Variants in ASAP1 observed in about 807,000 individuals in gnomAD.
ASAP1 encodes arf-GAP with SH3 domain, ANK repeat and PH domain-containing protein 1.
Under a neutral mutation model 145.2 loss-of-function variants are expected in ASAP1, and 43 were observed. The ratio of observed to expected loss-of-function variants is 0.30; its 90% CI spans 0.23 to 0.38. The LOEUF is 0.38. Ranked by LOEUF, ASAP1 falls within the 10% of genes least tolerant of loss-of-function variation. The probability of loss-of-function intolerance (pLI) is 1.00; values close to 1 mark genes in which losing one functional copy is unlikely to be tolerated. For missense variants in ASAP1, 1,018 were observed against 1,355.3 expected (o/e 0.75, Z 3.91); for synonymous variants, 546 against 515.5 (o/e 1.06, Z -0.80).
At chr8:130,402,758 C>G (rs932259397) in intron 1 of ASAP1, among the ~76,000 whole-genome samples, 2 of 152,088 alleles carry the variant, frequency 1.3e-5, no homozygotes, top group Admixed American at 6.5e-5. Context: ...CTAAAGATCT[C>G]TCCACTTATC....
At chr8:130,070,874 A>G (rs1159985024) in intron 27 of ASAP1, among the ~76,000 whole-genome samples, 14 of 20,192 alleles carry the variant, frequency 6.9e-4, no homozygotes, top group South Asian at 3.6e-3. Context: ...AGGGAGAGAG[A>G]GGGAGAGAGG....
At chr8:130,129,581 C>G (rs114185991) in intron 15 of ASAP1, among the ~76,000 whole-genome samples, 57 of 152,270 alleles carry the variant, frequency 3.7e-4, no homozygotes, top group African/African-American at 1.4e-3. Flanking sequence ...ACAGACAATA[C>G]AGAGGTTCAG....
At chr8:130,087,801 C>A (rs968849999) in intron 25 of ASAP1, among the ~76,000 whole-genome samples, 3 of 152,296 alleles carry the variant, frequency 2.0e-5, no homozygotes, top group South Asian at 4.1e-4. Context: ...CTGCTGACAA[C>A]AACTATTACC....
intron 3 of ASAP1, among the ~76,000 whole-genome samples, chr8:130,309,436 G>T (rs1432491699): frequency 6.6e-6 from 1 of 152,184 alleles, no homozygotes; most frequent in Non-Finnish European, 1.5e-5. Context: ...ACAATGGGCA[G>T]AATCAATGAG....
intron 18 of ASAP1, among the ~76,000 whole-genome samples, chr8:130,120,788 T>C (rs1043567023): frequency 6.6e-6 from 1 of 152,234 alleles, no homozygotes; most frequent in Non-Finnish European, 1.5e-5. Context: ...TCTGGCCTCT[T>C]ACTAGGCACA....
chr8:130,258,580 G>T (rs1819708296), intron 3 of ASAP1, among the ~76,000 whole-genome samples: 1 of 152,202 alleles, frequency 6.6e-6, no homozygotes, highest in Non-Finnish European at 1.5e-5. Flanking sequence ...CTCTACCTCG[G>T]AAGGGCTCTG....
In ASAP1 at chr8:130,268,027, A is replaced by G. The variant is rs560315203; in HGVS notation, c.187-31033T>C. On this transcript the variant is annotated intron_variant, in intron 3 of 29. Transcript: ENST00000518721. ...CATCTCACTTCCATACACCCCAAGG[A>G]AATTGGTCACTAGGAGAAAAGTGGC... is the stretch of plus-strand genomic sequence containing the variant. Among the ~76,000 whole-genome samples, 30 of 152,336 alleles carry G rather than the reference A, an allele frequency of 2.0e-4. 1 individual carries two copies. The South Asian group carries it at 3.3e-3, about 17-fold the overall frequency.
At chr8:130,405,887 A>G (rs1308257566) in intron 1 of ASAP1, among the ~76,000 whole-genome samples, 2 of 152,244 alleles carry the variant, frequency 1.3e-5, no homozygotes, top group East Asian at 1.9e-4. Flanking sequence ...AAAAAATATT[A>G]AGGCATAAAA....
intron 2 of ASAP1, among the ~76,000 whole-genome samples, chr8:130,395,452 G>T (rs990273173): frequency 1.3e-5 from 2 of 152,208 alleles, no homozygotes; most frequent in East Asian, 3.9e-4. Context: ...TGCTGTCCTT[G>T]TAAGAGAGAA....
At chr8:130,233,992 T>C (rs1188118271) in intron 4 of ASAP1, among the ~76,000 whole-genome samples, 5 of 152,198 alleles carry the variant, frequency 3.3e-5, no homozygotes, top group African/African-American at 1.2e-4. Flanking sequence ...TTAATCTCAA[T>C]AGCTAGGCTC....
chr8:130,399,887 T>C (rs1029413968), intron 2 of ASAP1, among the ~76,000 whole-genome samples: 7 of 146,808 alleles, frequency 4.8e-5, no homozygotes, highest in African/African-American at 1.8e-4. Context: ...TGGCGCAATC[T>C]CGGCTCACCA....
intron 27 of ASAP1, among the ~76,000 whole-genome samples, chr8:130,070,832 A>G (rs1223717746): frequency 1.3e-3 from 21 of 16,146 alleles, no homozygotes; most frequent in African/African-American, 2.2e-3. Context: ...GGAGAGAGGG[A>G]GAGAGAGGGA....
At chr8:130,400,550 G>A (rs1396872661) in intron 2 of ASAP1, among the ~76,000 whole-genome samples, 1 of 151,726 alleles carries the variant, frequency 6.6e-6, no homozygotes, top group Non-Finnish European at 1.5e-5. Flanking sequence ...CACTTTGGGA[G>A]GCCGAGGCGG....
rs528773918 is a variant in ASAP1, at chr8:130,204,000, C to T, written c.405+10556G>A. On this transcript the variant is annotated intron_variant, in intron 5 of 29. Transcript: ENST00000518721. ...CAAAACAGGATGTCCATATCTTTTG[C>T]GAGGAGGTACAGCATACTCTAGAGC... Among the ~76,000 whole-genome samples, 29 of 152,218 alleles carry T rather than the reference C, an allele frequency of 1.9e-4. 1 individual carries two copies. Among genetic ancestry groups the T allele is most frequent in the Admixed American group, 1.6e-3 (25 of 15,288 alleles).
intron 4 of ASAP1, 143 bp from the exon 5 acceptor site, chr8:130,214,844 G>A (rs572326369): frequency 3.1e-6 from 2 of 652,156 alleles, no homozygotes; most frequent in South Asian, 2.3e-5. Flanking sequence ...CAAAGGTTAG[G>A]TTAGGAGTAC....
At chr8:130,138,793 G>A (rs993070146) in intron 13 of ASAP1, among the ~76,000 whole-genome samples, 4 of 143,160 alleles carry the variant, frequency 2.8e-5, no homozygotes, top group African/African-American at 5.2e-5. Flanking sequence ...CCGAGATCTC[G>A]CCACTGCACT....
chr8:130,169,155 A>G, intron 9 of ASAP1, 88 bp from the exon 10 acceptor site: 1 of 753,134 alleles, frequency 1.3e-6, no homozygotes, highest in Admixed American at 2.8e-5. Flanking sequence ...AAGGAACTAT[A>G]ATAACCTACA....
At position 130,062,745 on chromosome 8, in the gene ASAP1, G is replaced by A. The variant is rs74630706; in HGVS notation, c.2702-1676C>T. The stretch of plus-strand genomic sequence containing the variant: ...CATACACTGAGATGTCTGTGCTAGA[G>A]TGTTTGGCACAGTACTGCTTATAAC... On this transcript the variant is annotated intron_variant, in intron 27 of 29. Transcript: ENST00000518721. Among the ~76,000 whole-genome samples the A allele has an allele frequency of 2.2e-3, 330 of 152,338 alleles. 1 individual carries two copies. The highest frequency in any genetic ancestry group is 7.6e-3 in the African/African-American group (318 of 41,574).
At chr8:130,126,990 G>A (rs985291384) in intron 16 of ASAP1, among the ~76,000 whole-genome samples, 1 of 152,184 alleles carries the variant, frequency 6.6e-6, no homozygotes, top group Non-Finnish European at 1.5e-5. Flanking sequence ...CTTGCTCACA[G>A]GGGTTCTGCA....
Sources: allele counts gnomAD v4.1 joint callset (sites outside exome capture counted in the v4.1 genomes callset), GRCh38; gene constraint gnomAD v4.1.1; transcripts MANE v1.5; gene names NCBI Gene and HGNC (gene_info 2026-07-23, HGNC 2026-07-21).